The following GLT1D1 variants were observed in gnomAD, a reference collection of about 807,000 sequenced individuals.
GLT1D1 encodes glycosyltransferase 1 domain containing 1.
Under a neutral mutation model 28.7 loss-of-function variants are expected in GLT1D1, and 21 were observed. That is an observed-to-expected ratio of 0.73 (90% confidence interval 0.52 to 1.05). The LOEUF (loss-of-function observed/expected upper bound fraction) is 1.05. GLT1D1 is among the 50% of genes least tolerant of loss of function. The pLI is 0.00. For missense variants in GLT1D1, 343 were observed against 330.6 expected (o/e 1.04, Z -0.29); for synonymous variants, 147 against 124.8 (o/e 1.18, Z -1.19).
At chr12:128,861,792 T>C (rs1359648775) in intron 1 of GLT1D1, among the ~76,000 whole-genome samples, 1 of 146,474 alleles carries the variant, frequency 6.8e-6, no homozygotes, top group Non-Finnish European at 1.5e-5. Context: ...TCCAAGGCAG[T>C]ACTTTCCCTT....
intron 2 of GLT1D1, 45 bp from the exon 3 acceptor site, chr12:128,888,594 G>A (rs1175277942): frequency 7.4e-7 from 1 of 1,358,766 alleles, no homozygotes; most frequent in African/African-American, 1.4e-5. Flanking sequence ...GGTGAAGGCT[G>A]TTTTTAGGGC....
intron 1 of GLT1D1, among the ~76,000 whole-genome samples, chr12:128,854,348 G>A (rs1956155105): frequency 6.6e-6 from 1 of 151,976 alleles, no homozygotes; most frequent in East Asian, 1.9e-4. Flanking sequence ...TCCTTGAGGC[G>A]AAGCCTGGGA....
intron 4 of GLT1D1, among the ~76,000 whole-genome samples, chr12:128,907,508 T>G (rs1871008537): frequency 6.6e-6 from 1 of 152,158 alleles, no homozygotes; most frequent in Non-Finnish European, 1.5e-5. Flanking sequence ...GGTTTCACCG[T>G]GTTAGCCAGG....
chr12:128,957,509 A>G lies in GLT1D1; in HGVS notation c.541-36A>G. 2.1e-6 allele frequency: 3 copies of G among 1,438,250 alleles called. No individual in the cohort carries two copies. In the South Asian group the frequency reaches 3.4e-5, roughly 16 times the overall value. 89.1% of individuals were successfully genotyped at this position (1,438,250 alleles called of 1,614,324 possible). On this transcript the variant is annotated intron_variant, in intron 6 of 7. Coordinates refer to ENST00000281703, the MANE Select transcript of GLT1D1 (RefSeq NM_144669.3). ...TCTTGCCGCAGAGGCTCTTGAAATG[A>G]CTGCCTTCCACCCCCTTTTCTCCTG...
chr12:128,931,175 G>A (rs1243836985), intron 4 of GLT1D1, among the ~76,000 whole-genome samples: 2 of 151,780 alleles, frequency 1.3e-5, no homozygotes, highest in African/African-American at 4.8e-5. Context: ...CTAATTTTTT[G>A]TATTTTTAGT....
intron 4 of GLT1D1, among the ~76,000 whole-genome samples, chr12:128,904,166 C>T (rs758652291): frequency 7.2e-5 from 11 of 151,802 alleles, no homozygotes; most frequent in Non-Finnish European, 1.2e-4. Flanking sequence ...CACACACACA[C>T]CTACACTCAC....
At chr12:128,961,864 A>G (rs1877987172) in intron 7 of GLT1D1, among the ~76,000 whole-genome samples, 1 of 152,318 alleles carries the variant, frequency 6.6e-6, no homozygotes, top group Non-Finnish European at 1.5e-5. Flanking sequence ...TAACCATCGT[A>G]AAGACTAAAC....
At chr12:128,887,371 A>C (rs1868512080) in intron 2 of GLT1D1, among the ~76,000 whole-genome samples, 1 of 151,866 alleles carries the variant, frequency 6.6e-6, no homozygotes, top group Admixed American at 6.6e-5. Flanking sequence ...AACAGTTATT[A>C]TTTTGTGTAC....
chr12:128,858,276 A>G (rs1181957332), intron 1 of GLT1D1, among the ~76,000 whole-genome samples: 3 of 152,174 alleles, frequency 2.0e-5, no homozygotes, highest in Non-Finnish European at 4.4e-5. Flanking sequence ...ACATTATGAG[A>G]CAAGAAAAAA....
chr12:128,870,437 A>G (rs1242936782), intron 1 of GLT1D1, among the ~76,000 whole-genome samples: 4 of 152,180 alleles, frequency 2.6e-5, no homozygotes, highest in Non-Finnish European at 5.9e-5. Flanking sequence ...AGTGCCCAAA[A>G]TCTCTATGGG....
At chr12:128,870,113 G>A (rs112735606) in intron 1 of GLT1D1, among the ~76,000 whole-genome samples, 4,134 of 151,942 alleles carry the variant, frequency 0.027, 192 homozygotes, top group African/African-American at 0.093. Context: ...GTTTCACCAT[G>A]TTGGCCAGGC....
At chr12:128,894,880 T>A (rs957217224) in intron 3 of GLT1D1, among the ~76,000 whole-genome samples, 8 of 148,452 alleles carry the variant, frequency 5.4e-5, no homozygotes, top group African/African-American at 1.7e-4. Context: ...ATATTAAAAA[T>A]TATATATATA....
At chr12:128,959,468 GCAGC>G (rs1877705103) in intron 7 of GLT1D1, among the ~76,000 whole-genome samples, 1 of 90,416 alleles carries the variant, frequency 1.1e-5, no homozygotes, top group Admixed American at 1.3e-4. Flanking sequence ...TGGTGGGGGG[GCAGC>G]AAGGGAGTGG....
intron 2 of GLT1D1, among the ~76,000 whole-genome samples, chr12:128,877,931 T>G (rs1358285896): frequency 6.6e-6 from 1 of 152,230 alleles, no homozygotes; most frequent in Non-Finnish European, 1.5e-5. Context: ...AGGCCGTTGG[T>G]GGGAGGTCTC....
chr12:128,938,013 G>A (rs1170768038), intron 4 of GLT1D1, among the ~76,000 whole-genome samples: 2 of 152,162 alleles, frequency 1.3e-5, no homozygotes, highest in East Asian at 3.9e-4. Flanking sequence ...TTCCAGAATC[G>A]ACGTAAGCTT....
rs569015520 is a variant in GLT1D1, at chr12:128,972,556, AAC to A, written c.640-10369_640-10368del. On this transcript the variant is annotated intron_variant, in intron 7 of 7. Transcript: ENST00000281703. ...GGCTAACATGTTCTGGGAGGAAAAA[AAC>A]ACAGAAAACAAGACCCATCATAAGG... Among the ~76,000 whole-genome samples, 39 of 152,356 alleles carry A rather than the reference AAC, an allele frequency of 2.6e-4. No homozygotes were observed. In the East Asian group the frequency reaches 7.5e-3, roughly 29 times the overall value.
chr12:128,898,887 G>A (rs1446780669), intron 3 of GLT1D1, among the ~76,000 whole-genome samples: 1 of 152,228 alleles, frequency 6.6e-6, no homozygotes, highest in Non-Finnish European at 1.5e-5. Context: ...GGAGTGGACA[G>A]GCTGCCCTTG....
At chr12:128,865,213 G>A (rs1222331767) in intron 1 of GLT1D1, among the ~76,000 whole-genome samples, 1 of 152,128 alleles carries the variant, frequency 6.6e-6, no homozygotes, top group African/African-American at 2.4e-5. Context: ...AACTCCCAAA[G>A]CCCAGCACAT....
intron 4 of GLT1D1, among the ~76,000 whole-genome samples, chr12:128,904,291 A>T (rs2135864931): frequency 6.6e-6 from 1 of 151,954 alleles, no homozygotes. Flanking sequence ...GACTTTTTTT[A>T]AAAAACATAA....
Sources: gnomAD v4.1 joint callset for allele counts (sites outside exome capture counted in the v4.1 genomes callset) on GRCh38, gnomAD v4.1.1 for gene constraint, MANE v1.5 for transcripts, NCBI Gene and HGNC (gene_info 2026-07-23, HGNC 2026-07-21) for gene names.